ACSBG2: variants seen among roughly 807,000 people sequenced by gnomAD.
ACSBG2 encodes long-chain-fatty-acid--CoA ligase ACSBG2.
ACSBG2 carries 62 observed loss-of-function variants against 74.7 expected under a neutral mutation model. That is an observed-to-expected ratio of 0.83 (90% CI 0.68 to 1.03). ACSBG2 has a LOEUF of 1.03. ACSBG2 is among the 50% of genes least tolerant of loss of function. The pLI is 0.00. For missense variants in ACSBG2, 730 were observed against 817.6 expected, an observed-to-expected ratio of 0.89 and a Z score of 1.31; for synonymous variants, 309 against 294.1, an observed-to-expected ratio of 1.05 and a Z score of -0.52.
In ACSBG2 at chr19:6,180,084, C is replaced by T. The variant is rs1037252191; in HGVS notation, c.907-2667C>T. Among the ~76,000 whole-genome samples, 2 of 152,100 alleles carry T rather than the reference C, an allele frequency of 1.3e-5. No homozygotes were observed. The highest frequency in any genetic ancestry group is 6.5e-5 in the Admixed American group (1 of 15,280). On this transcript the variant is annotated intron_variant, in intron 8 of 14. Transcript: ENST00000588485. This position sits in a 1 kb window ranked among gnomAD's most constrained non-coding sequence, Gnocchi z 4.3. ...GGGCCCCTTCCTCCATCTTCACAGC[C>T]AGCAGTGCAGCCTCTTCCCCTCTCC...
In ACSBG2 at chr19:6,166,282, G is replaced by GTGTGTGTT. The variant is rs1555694322; in HGVS notation, c.738+274_738+275insTTGTGTGT. ...TTCCTCTGTGTGAGTCAGGAAGGTT[G>GTGTGTGTT]TGTGTGTGTGTGTGTGTGTGTGTGT... On this transcript the variant is annotated intron_variant, in intron 7 of 14. Transcript: ENST00000588485. Among the ~76,000 whole-genome samples the GTGTGTGTT allele has an allele frequency of 1.5e-3, 61 of 40,472 alleles. No individual in the cohort carries two copies. The South Asian group carries it at 0.017, about 11-fold the overall frequency. 26.6% of individuals were successfully genotyped at this position (40,472 alleles called of 152,430 possible).
At chr19:6,155,784 T>A (rs7258273) in intron 4 of ACSBG2, among the ~76,000 whole-genome samples, 7 of 139,008 alleles carry the variant, frequency 5.0e-5, no homozygotes, top group Admixed American at 2.9e-4. Context: ...AGCTAGACCC[T>A]GTCTCAAAAA....
At chr19:6,167,794 T>C (rs1266630164) in intron 7 of ACSBG2, among the ~76,000 whole-genome samples, 2 of 152,214 alleles carry the variant, frequency 1.3e-5, no homozygotes, top group Admixed American at 1.3e-4. Flanking sequence ...GGCTTCAAGT[T>C]TGGCAATAAA....
chr19:6,147,736 T>C, intron 3 of ACSBG2, 61 bp downstream of exon 3: 2 of 1,513,172 alleles, frequency 1.3e-6, no homozygotes, highest in Non-Finnish European at 1.8e-6. Context: ...GTAACAGACA[T>C]ACATACATGT....
intron 2 of ACSBG2, among the ~76,000 whole-genome samples, chr19:6,141,820 A>C (rs1234917195): frequency 6.6e-6 from 1 of 150,590 alleles, no homozygotes; most frequent in Non-Finnish European, 1.5e-5. Context: ...TGCAGCCTTG[A>C]CCTTCCAGGC....
chr19:6,176,037 AG>A (rs2090079380), intron 7 of ACSBG2: 1 of 259,680 alleles, frequency 3.9e-6, no homozygotes, highest in Non-Finnish European at 7.3e-6. Context: ...GTTGGACCCA[AG>A]GAAGTCTGCA....
intron 7 of ACSBG2, among the ~76,000 whole-genome samples, chr19:6,168,574 A>G (rs969401538): frequency 3.3e-5 from 5 of 150,772 alleles, no homozygotes; most frequent in Admixed American, 2.0e-4. Context: ...CTTTTGGGAA[A>G]TGAATGAATG....
chr19:6,165,790 T>C, intron 6 of ACSBG2, 76 bp from the exon 7 acceptor site: 1 of 1,556,986 alleles, frequency 6.4e-7, no homozygotes, highest in Non-Finnish European at 8.8e-7. Flanking sequence ...TAGGAAAAGC[T>C]GATAGGACGA....
At chr19:6,141,889 A>C (rs2088854242) in intron 2 of ACSBG2, among the ~76,000 whole-genome samples, 1 of 152,048 alleles carries the variant, frequency 6.6e-6, no homozygotes, top group Non-Finnish European at 1.5e-5. Context: ...GCACACCACC[A>C]TGCCCAGCTC....
intron 2 of ACSBG2, among the ~76,000 whole-genome samples, chr19:6,142,596 A>AT (rs2088883318): frequency 6.6e-6 from 1 of 151,994 alleles, no homozygotes; most frequent in Non-Finnish European, 1.5e-5. Flanking sequence ...ACTAAAAAAT[A>AT]CAAAAAATTA....
In ACSBG2 at chr19:6,141,562, A is replaced by G. The variant is rs76527006; in HGVS notation, c.19A>G (p.Thr7Ala). The change falls in exon 2 of 15, where the codon ACT becomes GCT. Residue 7 changes from threonine (T) to alanine (A), a missense_variant. Thr to Ala is a moderately conservative substitution (Grantham distance 58, BLOSUM62 0). Transcript: ENST00000588485. ...ACCTGGAATGACTGGAACCCCAAAG[A>G]CTCAAGAAGGAGCTAAAGATCTTGA... The part of the protein sequence containing the change: MTGTPK[T>A]QEGAKDLEVD... 254 of 1,612,394 alleles carry G rather than the reference A, an allele frequency of 1.6e-4. 1 individual carries two copies. The East Asian group carries it at 5.6e-3, about 36-fold the overall frequency.
At chr19:6,171,323 T>G (rs2089958703) in intron 7 of ACSBG2, among the ~76,000 whole-genome samples, 1 of 152,170 alleles carries the variant, frequency 6.6e-6, no homozygotes, top group Non-Finnish European at 1.5e-5. Context: ...GTGGGCTTTG[T>G]GCTTACATGT....
rs2145260053 is a variant in ACSBG2 at position 6,185,528 on chromosome 19, T to C, written c.1415T>C (p.Phe472Ser). ...ATCTGCCTCTGGGGTAGGCACATCT[T>C]CATGGGCTATCTGGAAAGTGAGACT... ...GEICLWGRHI[F>S]MGYLESETET... The change falls in exon 11 of 15, where the codon TTC (phenylalanine) becomes TCC (serine). Residue 472 changes from phenylalanine (F) to serine (S), a missense_variant. Physicochemically the swap from Phe to Ser is radical, Grantham distance 155. Transcript: ENST00000588485. The C allele has an allele frequency of 6.2e-7, 1 of 1,614,166 alleles. No homozygotes were observed. The highest frequency in any genetic ancestry group is 8.5e-7 in the Non-Finnish European group (1 of 1,180,034).
At chr19:6,164,478 G>A (rs1480860788) in intron 6 of ACSBG2, among the ~76,000 whole-genome samples, 1 of 150,118 alleles carries the variant, frequency 6.7e-6, no homozygotes, top group Non-Finnish European at 1.5e-5. Flanking sequence ...TGTTGCCCAG[G>A]CTGGAGTGCA....
intron 6 of ACSBG2, among the ~76,000 whole-genome samples, chr19:6,165,560 T>TTTGCATATA (rs1279715886): frequency 1.2e-4 from 19 of 152,304 alleles, no homozygotes; most frequent in Non-Finnish European, 2.1e-4. Flanking sequence ...TTCTGAGCAC[T>TTTGCATATA]TTGCATATAT....
At chr19:6,139,930 T>C (rs2088754094) in intron 1 of ACSBG2, among the ~76,000 whole-genome samples, 1 of 151,722 alleles carries the variant, frequency 6.6e-6, no homozygotes, top group African/African-American at 2.4e-5. Flanking sequence ...AATACAAAAT[T>C]AGCCAGGCAT....
chr19:6,169,143 C>T (rs1367814426), intron 7 of ACSBG2, among the ~76,000 whole-genome samples: 3 of 152,212 alleles, frequency 2.0e-5, no homozygotes, highest in Non-Finnish European at 4.4e-5. Flanking sequence ...GTTGTCTTTA[C>T]TCTGTTAATT....
intron 2 of ACSBG2, among the ~76,000 whole-genome samples, chr19:6,144,276 G>A (rs1189071871): frequency 6.6e-6 from 1 of 152,228 alleles, no homozygotes; most frequent in East Asian, 1.9e-4. Context: ...GGAATTACAG[G>A]CACAAGCCAC....
chr19:6,177,206 T>G (rs778829011), intron 7 of ACSBG2, 23 bp from the exon 8 acceptor site: 2 of 1,612,508 alleles, frequency 1.2e-6, no homozygotes, highest in East Asian at 4.5e-5. Flanking sequence ...GTGAGGCACC[T>G]TGGATTGTCC....
Sources: gnomAD v4.1 joint callset for allele counts (sites outside exome capture counted in the v4.1 genomes callset) on GRCh38, gnomAD v4.1.1 for gene constraint, Gnocchi (gnomAD v3.1) non-coding constraint, MANE v1.5 for transcripts, NCBI Gene and HGNC (gene_info 2026-07-23, HGNC 2026-07-21) for gene names.